The following LRGUK variants were observed in gnomAD, a reference collection of about 807,000 sequenced individuals.
LRGUK encodes the protein leucine-rich repeat and guanylate kinase domain-containing protein.
Under a neutral mutation model 76.0 loss-of-function variants are expected in LRGUK, and 65 were observed. That is an observed-to-expected ratio of 0.85 (90% CI 0.70 to 1.05). LRGUK has a LOEUF of 1.05. Among genes scored for constraint, LRGUK ranks in the 50% least tolerant of loss-of-function variants. The pLI, the probability that LRGUK is intolerant of heterozygous loss-of-function variation, is 0.00. For synonymous variants in LRGUK, 268 were observed against 265.6 expected, an observed-to-expected ratio of 1.01 and a Z score of -0.09; for missense variants, 758 against 732.8, an observed-to-expected ratio of 1.03 and a Z score of -0.40.
intron 16 of LRGUK, among the ~76,000 whole-genome samples, chr7:134,244,314 A>G (rs13309844): frequency 0.072 from 10,955 of 152,188 alleles, 966 homozygotes; most frequent in African/African-American, 0.2. Context: ...CTGACAAAGG[A>G]CTAATATCCA....
chr7:134,236,719 A>T (rs1802026206), intron 16 of LRGUK, among the ~76,000 whole-genome samples: 1 of 152,236 alleles, frequency 6.6e-6, no homozygotes, highest in Non-Finnish European at 1.5e-5. Context: ...GGCCATACAG[A>T]TATCCAGCTC....
intron 16 of LRGUK, among the ~76,000 whole-genome samples, chr7:134,245,794 C>T (rs531009575): frequency 6.6e-6 from 1 of 151,912 alleles, no homozygotes; most frequent in Non-Finnish European, 1.5e-5. Context: ...GAGTGAATAA[C>T]AACAAACACA....
chr7:134,163,442 G>GC lies in LRGUK; in HGVS notation c.844dup (p.Leu282ProfsTer21), dbSNP rs1451139150. The GC allele has an allele frequency of 1.2e-5, 20 of 1,613,710 alleles. No individual in the cohort carries two copies. The Admixed American group carries it at 3.2e-4, about 26-fold the overall frequency. On this transcript the variant is annotated frameshift_variant, in exon 7 of 16. Transcript: ENST00000645682. LOFTEE classifies it high-confidence loss of function. ...GATCACAGGTTTGGAGGATCTGAAA[G>GC]CCCTGCAGAACCTGGATCTGTCCCA...
At chr7:134,137,049 G>A (rs751243957) in exon 2 of LRGUK, 3 of 1,613,480 alleles carry the variant, frequency 1.9e-6, no homozygotes, top group South Asian at 1.1e-5. Context: ...TCCTGAGAGA[G>A]GAGGCTGTGG....
intron 19 of LRGUK, among the ~76,000 whole-genome samples, chr7:134,263,575 A>G (rs1004851651): frequency 1.3e-5 from 2 of 149,508 alleles, no homozygotes; most frequent in Non-Finnish European, 1.5e-5. Flanking sequence ...TGTACATGCT[A>G]TATTCTGACC....
At chr7:134,174,525 C>G in intron 7 of LRGUK, 31 bp from the exon 8 acceptor site, 1 of 1,297,770 alleles carries the variant, frequency 7.7e-7, no homozygotes, top group Non-Finnish European at 1.1e-6. Context: ...TGCATTTAGT[C>G]TGTTGATAAT....
At chr7:134,157,976 C>G in intron 5 of LRGUK, 59 bp from the exon 6 acceptor site, 1 of 1,519,338 alleles carries the variant, frequency 6.6e-7, no homozygotes, top group Non-Finnish European at 9.1e-7. Flanking sequence ...AACACTGATT[C>G]TTTTTTTCTT....
At chr7:134,192,038 T>G (rs1195648530) in intron 12 of LRGUK, among the ~76,000 whole-genome samples, 1 of 152,244 alleles carries the variant, frequency 6.6e-6, no homozygotes, top group Non-Finnish European at 1.5e-5. Context: ...TCTTGTGATC[T>G]GTGCTTATCA....
At chr7:134,151,226 G>A (rs1326949836) in intron 5 of LRGUK, among the ~76,000 whole-genome samples, 2 of 152,044 alleles carry the variant, frequency 1.3e-5, no homozygotes, top group Non-Finnish European at 2.9e-5. Context: ...CAAGGTTAGA[G>A]TGTTTTTGAA....
At chr7:134,183,531 AT>A (rs1372277725) in intron 10 of LRGUK, among the ~76,000 whole-genome samples, 3 of 152,166 alleles carry the variant, frequency 2.0e-5, no homozygotes, top group Non-Finnish European at 2.9e-5. Context: ...GTAAGTTCAT[AT>A]TTTACCTTAT....
intron 11 of LRGUK, among the ~76,000 whole-genome samples, chr7:134,190,933 A>G (rs1800206304): frequency 6.6e-6 from 1 of 151,282 alleles, no homozygotes; most frequent in Non-Finnish European, 1.5e-5. Context: ...GGGGATAGAC[A>G]GTAGTTGAGC....
downstream of LRGUK, among the ~76,000 whole-genome samples, chr7:134,264,812 C>T (rs1802826901): frequency 6.6e-6 from 1 of 152,200 alleles, no homozygotes; most frequent in Admixed American, 6.5e-5. Flanking sequence ...ATGGTCTTTT[C>T]TCTGAGTACT....
intron 18 of LRGUK, among the ~76,000 whole-genome samples, chr7:134,257,878 A>G (rs978374512): frequency 6.6e-6 from 1 of 152,006 alleles, no homozygotes; most frequent in Non-Finnish European, 1.5e-5. Flanking sequence ...AGATCAGGCC[A>G]CCTACCATGG....
At chr7:134,203,608 G>A (rs1800879196) in intron 15 of LRGUK, among the ~76,000 whole-genome samples, 1 of 152,180 alleles carries the variant, frequency 6.6e-6, no homozygotes, top group Non-Finnish European at 1.5e-5. Flanking sequence ...GAGATGAAGT[G>A]ACCAGGGTAT....
At chr7:134,268,523 C>T (rs1403988784), downstream of LRGUK, among the ~76,000 whole-genome samples, 1 of 151,866 alleles carries the variant, frequency 6.6e-6, no homozygotes, top group East Asian at 1.9e-4. Flanking sequence ...AATCTCCAAG[C>T]CCAAATGCTT....
intron 16 of LRGUK, among the ~76,000 whole-genome samples, chr7:134,245,717 A>G (rs1012873924): frequency 6.6e-6 from 1 of 152,216 alleles, no homozygotes; most frequent in African/African-American, 2.4e-5. Flanking sequence ...GCGGTATACA[A>G]TGAAATCACA....
intron 3 of LRGUK, chr7:134,141,702 G>C (rs1797772977): frequency 6.6e-6 from 1 of 152,148 alleles, no homozygotes; most frequent in Admixed American, 6.6e-5. Flanking sequence ...TGGTGGTCCC[G>C]TGAAGTTAGT....
rs550164243 is a variant in LRGUK at position 134,258,634 on chromosome 7, G to A, written c.2347+229G>A. 1.2e-3 allele frequency among the ~76,000 whole-genome samples: 177 copies of A among 149,472 alleles called. 2 individuals carry two copies. The highest frequency in any genetic ancestry group is 7.6e-4 in the Non-Finnish European group (51 of 67,184). ...GAATTGCTTGAACCCAGGAGGCGGA[G>A]GTTGCAGGGAGCCGAGATCACACTA... is the stretch of plus-strand genomic sequence containing the variant. On this transcript the variant is annotated intron_variant, in intron 19 of 19. Transcript: ENST00000285928.
At chr7:134,272,013 T>C in the LRGUK span, among the ~76,000 whole-genome samples, 1 of 152,086 alleles carries the variant, frequency 6.6e-6, no homozygotes, top group Non-Finnish European at 1.5e-5. Flanking sequence ...CCCTTTCCTT[T>C]CTTCTTTTCT....
Sources: gnomAD v4.1 joint callset for allele counts (sites outside exome capture counted in the v4.1 genomes callset) on GRCh38, gnomAD v4.1.1 for gene constraint, MANE v1.5 for transcripts, NCBI Gene and HGNC (gene_info 2026-07-23, HGNC 2026-07-21) for gene names.